The following AHCTF1 variants were observed in gnomAD, a reference collection of about 807,000 sequenced individuals.
The protein encoded by AHCTF1 is protein ELYS.
AHCTF1 carries 24 observed loss-of-function variants against 248.4 expected under a neutral mutation model. The observed-to-expected ratio is 0.10, with a 90% CI of 0.07 to 0.14. AHCTF1 has a LOEUF of 0.14. Among genes scored for constraint, AHCTF1 ranks in the 10% least tolerant of loss-of-function variants. AHCTF1 has a pLI of 1.00. For missense variants in AHCTF1, 2,206 were observed against 2,636.2 expected, an observed-to-expected ratio of 0.84 and a Z score of 3.57; for synonymous variants, 786 against 929.8, an observed-to-expected ratio of 0.85 and a Z score of 2.81.
intron 14 of AHCTF1, among the ~76,000 whole-genome samples, chr1:246,893,745 C>G (rs974588801): frequency 3.9e-5 from 6 of 152,206 alleles, no homozygotes; most frequent in African/African-American, 1.4e-4. Context: ...GAGTTAAGTA[C>G]AGAAACTTCT....
At position 246,840,849 on chromosome 1, in the gene AHCTF1, A is replaced by C. The variant is rs757037085; in HGVS notation, c.6758T>G (p.Leu2253Arg). The C allele has an allele frequency of 6.2e-6, 10 of 1,605,898 alleles. No homozygotes were observed. Among genetic ancestry groups the C allele is most frequent in the Non-Finnish European group, 8.5e-6 (10 of 1,177,972 alleles). Residue 2253 changes from leucine to arginine, a missense_variant, in exon 36 of 36, where the codon CTG (leucine) becomes CGG (arginine). Leu to Arg is a moderately radical substitution (Grantham distance 102). Transcript: ENST00000648844. ...GTGLGRNRKK[L>R]SSYPKQILRR... ...TAAAATTTGCTTTGGATAGGAAGAC[A>C]GTTTCTTTCTGTTCCTTCCAAGACC...
intron 6 of AHCTF1, among the ~76,000 whole-genome samples, chr1:246,904,780 C>CT (rs1205817359): frequency 6.6e-6 from 1 of 152,180 alleles, no homozygotes; most frequent in Non-Finnish European, 1.5e-5. Context: ...TAGTTGATCC[C>CT]TTTTAATAAT....
chr1:246,915,685 T>A (rs975176578), intron 3 of AHCTF1, among the ~76,000 whole-genome samples: 2 of 152,240 alleles, frequency 1.3e-5, no homozygotes. Flanking sequence ...AATTTATTCA[T>A]CCTGGGAATC....
intron 14 of AHCTF1, among the ~76,000 whole-genome samples, chr1:246,893,511 T>C (rs1243914060): frequency 6.6e-6 from 1 of 152,230 alleles, no homozygotes; most frequent in Non-Finnish European, 1.5e-5. Flanking sequence ...GTATCCCTAC[T>C]AGTACTTTTT....
At chr1:246,841,955 A>ATT (rs1211083487) in intron 35 of AHCTF1, among the ~76,000 whole-genome samples, 12,923 of 124,152 alleles carry the variant, frequency 0.1, 963 homozygotes, top group African/African-American at 0.2. Flanking sequence ...CGCCCAGCTA[A>ATT]TTTTTTTTTT....
At position 246,853,319 on chromosome 1, in the gene AHCTF1, A is replaced by AT. The variant is rs778461035; in HGVS notation, c.4355-21dup. 1.1e-5 allele frequency: 18 copies of AT among 1,584,338 alleles called. No individual in the cohort carries two copies. The Admixed American group carries it at 1.6e-4, about 14-fold the overall frequency. On this transcript the variant is annotated intron_variant, in intron 31 of 35. Coordinates refer to ENST00000648844, the MANE Select transcript of AHCTF1 (RefSeq NM_001323342.2). The stretch of plus-strand genomic sequence containing the variant: ...CCATAGCTGAAAGAAAAATGAGTGA[A>AT]TTTTTTACATTTAAACTGAAAAATA...
chr1:246,927,251 G>A (rs1229568512), intron 1 of AHCTF1, among the ~76,000 whole-genome samples: 1 of 152,134 alleles, frequency 6.6e-6, no homozygotes, highest in African/African-American at 2.4e-5. Flanking sequence ...GGGAGGCCAA[G>A]GCGGGAGAAT....
intron 24 of AHCTF1, among the ~76,000 whole-genome samples, chr1:246,869,862 T>G (rs1662446413): frequency 6.6e-6 from 1 of 152,176 alleles, no homozygotes; most frequent in Non-Finnish European, 1.5e-5. Flanking sequence ...GTAATCGCAA[T>G]TTTCAAGATA....
chr1:246,929,806 C>T (rs928049425), intron 1 of AHCTF1, among the ~76,000 whole-genome samples: 1 of 152,258 alleles, frequency 6.6e-6, no homozygotes, highest in African/African-American at 2.4e-5. Context: ...GTAATCCCAG[C>T]ACTCTGGGAG....
At chr1:246,842,400 G>A (rs531780657) in intron 35 of AHCTF1, among the ~76,000 whole-genome samples, 6 of 152,054 alleles carry the variant, frequency 3.9e-5, no homozygotes, top group Admixed American at 3.3e-4. Flanking sequence ...TGGCCAACAT[G>A]ATAAAATGCC....
chr1:246,885,401 C>T (rs1057179984), intron 21 of AHCTF1, 92 bp downstream of exon 21: 26 of 1,079,894 alleles, frequency 2.4e-5, no homozygotes, highest in Non-Finnish European at 3.0e-5. Flanking sequence ...ACTGACTTAA[C>T]GGCCAATTGT....
At position 246,907,738 on chromosome 1, in the gene AHCTF1, T is replaced by C. The variant is rs1665497002; in HGVS notation, c.577A>G (p.Ile193Val). 2 of 1,613,486 alleles carry C rather than the reference T, an allele frequency of 1.2e-6. No individual in the cohort carries two copies. The highest frequency in any genetic ancestry group is 2.2e-5 in the South Asian group (2 of 90,886). ...EASDLEVLTG[I>V]PAEVPHIRES... ...CTAATGTGTGGTACTTCAGCTGGGA[T>C]ACCAGTTAGAACTTCAAGATCTAAA... The change falls in exon 5 of 36, where the codon ATC becomes GTC. Residue 193 changes from isoleucine to valine, a missense_variant. Ile to Val is a conservative substitution (Grantham distance 29). Transcript: ENST00000648844.
At position 246,840,977 on chromosome 1, in the gene AHCTF1, A is replaced by G. The variant is rs376646297; in HGVS notation, c.6630T>C (p.Ala2210=). The change falls in exon 36 of 36, where the codon GCT becomes GCC. Residue 2210 remains alanine, a synonymous_variant. Transcript: ENST00000648844. ...QASKNTEKES[A]WSPPPIEIRL... ...GAATTTCTATGGGAGGAGGTGACCA[A>G]GCACTTTCTTTTTCTGTGTTTCTGA... 3.1e-6 allele frequency: 5 copies of G among 1,606,808 alleles called. No homozygotes were observed. Among genetic ancestry groups the G allele is most frequent in the Non-Finnish European group, 4.2e-6 (5 of 1,178,190 alleles).
chr1:246,846,660 C>T (rs1416021603), intron 33 of AHCTF1, among the ~76,000 whole-genome samples: 1 of 150,998 alleles, frequency 6.6e-6, no homozygotes, highest in Non-Finnish European at 1.5e-5. Context: ...CAATCTGTGG[C>T]ACATTTGTGA....
intron 10 of AHCTF1, among the ~76,000 whole-genome samples, chr1:246,899,798 G>C (rs1403289866): frequency 6.6e-6 from 1 of 152,132 alleles, no homozygotes; most frequent in Non-Finnish European, 1.5e-5. Context: ...ATGTGAAACA[G>C]TTAATATCTT....
At chr1:246,891,655 G>T in intron 15 of AHCTF1, 124 bp downstream of exon 15, 1 of 994,420 alleles carries the variant, frequency 1.0e-6, no homozygotes, top group Non-Finnish European at 1.4e-6. Flanking sequence ...AAAAACCCTA[G>T]CACTGGAGAA....
At chr1:246,925,347 A>G (rs1812703) in intron 1 of AHCTF1, among the ~76,000 whole-genome samples, 7,267 of 152,318 alleles carry the variant, frequency 0.048, 601 homozygotes, top group African/African-American at 0.16. Context: ...CATTTTTTGG[A>G]AAATGAAATA....
intron 21 of AHCTF1, among the ~76,000 whole-genome samples, chr1:246,878,565 T>A (rs1663162595): frequency 6.6e-6 from 1 of 152,118 alleles, no homozygotes; most frequent in Admixed American, 6.6e-5. Context: ...TGTTTATATA[T>A]TTATTTAAGT....
At chr1:246,906,758 ATTAAC>A (rs1665423838) in intron 5 of AHCTF1, among the ~76,000 whole-genome samples, 3 of 152,346 alleles carry the variant, frequency 2.0e-5, no homozygotes, top group African/African-American at 7.2e-5. Context: ...CTTAACACAA[ATTAAC>A]TTAGCTACAA....
Sources: allele counts gnomAD v4.1 joint callset (sites outside exome capture counted in the v4.1 genomes callset), GRCh38; gene constraint gnomAD v4.1.1; transcripts MANE v1.5; gene names NCBI Gene and HGNC (gene_info 2026-07-23, HGNC 2026-07-21).